Variants in TOMM70 observed in about 807,000 individuals in gnomAD.
The protein encoded by TOMM70 is translocase of outer mitochondrial membrane 70.
In TOMM70, 13 loss-of-function variants were observed where a neutral mutation model predicts 73.6. The observed-to-expected ratio is 0.18, with a 90% confidence interval of 0.11 to 0.28. TOMM70 has a LOEUF of 0.28. TOMM70 is among the 10% of genes least tolerant of loss of function. The pLI is 1.00. For synonymous variants in TOMM70, 257 were observed against 271.2 expected, an observed-to-expected ratio of 0.95 and a Z score of 0.51; for missense variants, 609 against 747.5, an observed-to-expected ratio of 0.81 and a Z score of 2.16.
intron 8 of TOMM70, 79 bp downstream of exon 8, chr3:100,373,459 G>C: frequency 8.6e-7 from 1 of 1,159,678 alleles, no homozygotes; most frequent in Non-Finnish European, 1.2e-6. Flanking sequence ...CGACTTTGTA[G>C]ACAATGAGAT....
chr3:100,366,188 CTCTT>C (rs1298867094), intron 11 of TOMM70, among the ~76,000 whole-genome samples: 3 of 152,154 alleles, frequency 2.0e-5, no homozygotes, highest in African/African-American at 2.4e-5. Flanking sequence ...GTGGGCCCAC[CTCTT>C]TCTGTTTCAT....
intron 1 of TOMM70, among the ~76,000 whole-genome samples, chr3:100,392,005 CTA>C (rs965795737): frequency 6.6e-6 from 1 of 152,116 alleles, no homozygotes; most frequent in African/African-American, 2.4e-5. Context: ...TGGATCTTTT[CTA>C]TGTTTAGGTA....
rs757218917 is a variant in TOMM70, at chr3:100,377,688, C to T, written c.1092+17G>A. 2 of 1,593,782 alleles carry T rather than the reference C, an allele frequency of 1.3e-6. No individual in the cohort carries two copies. The highest frequency in any genetic ancestry group is 2.3e-5 in the East Asian group (1 of 44,372). On this transcript the variant is annotated intron_variant, in intron 6 of 11. Transcript: ENST00000284320. ...CCTTCTATTTAATAATTTCTTCACA[C>T]ACATTTTTTAATGTACCTTCACATT...
intron 3 of TOMM70, among the ~76,000 whole-genome samples, chr3:100,385,339 T>G (rs934247906): frequency 3.9e-5 from 6 of 152,240 alleles, no homozygotes; most frequent in Non-Finnish European, 8.8e-5. Flanking sequence ...CAGGATTCCC[T>G]TTTCTAAAAC....
chr3:100,373,684 T>TACA (rs3832198), intron 7 of TOMM70, 39 bp from the exon 8 acceptor site: 1 of 1,469,368 alleles, frequency 6.8e-7, no homozygotes, highest in Middle Eastern at 1.7e-4. Context: ...ATTCAACTAG[T>TACA]CCAGTTAAGT....
chr3:100,396,842 T>C lies in TOMM70; in HGVS notation c.324+3784A>G, dbSNP rs118009947. 1.6e-4 allele frequency among the ~76,000 whole-genome samples: 24 copies of C among 152,298 alleles called. No individual in the cohort carries two copies. The East Asian group carries it at 4.2e-3, about 27-fold the overall frequency. The stretch of plus-strand genomic sequence containing the variant: ...ATATTCCCATTAATTAAAACAACTA[T>C]GAATATCCTTTGCACTTCCTTTACA... On this transcript the variant is annotated intron_variant, in intron 1 of 11. Transcript: ENST00000284320.
At chr3:100,385,501 T>C (rs993423422) in intron 3 of TOMM70, among the ~76,000 whole-genome samples, 6 of 152,208 alleles carry the variant, frequency 3.9e-5, no homozygotes, top group Admixed American at 3.9e-4. Context: ...AGCAGACAAA[T>C]ATATTAAGTG....
chr3:100,387,758 C>A (rs1418871536), intron 1 of TOMM70, among the ~76,000 whole-genome samples: 1 of 151,908 alleles, frequency 6.6e-6, no homozygotes, highest in Non-Finnish European at 1.5e-5. Context: ...GCCTCAGCCT[C>A]CCGAGTAGCT....
At chr3:100,378,635 G>A (rs1706592889) in intron 5 of TOMM70, among the ~76,000 whole-genome samples, 1 of 152,174 alleles carries the variant, frequency 6.6e-6, no homozygotes, top group Admixed American at 6.5e-5. Context: ...CTAAAAGAAG[G>A]AACAGGGAAA....
chr3:100,378,500 A>C (rs751793868), intron 5 of TOMM70, among the ~76,000 whole-genome samples: 45 of 152,192 alleles, frequency 3.0e-4, no homozygotes, highest in Admixed American at 7.9e-4. Flanking sequence ...ACCTCAGCTT[A>C]GACATTTAGA....
Position 100,369,970 on chromosome 3 carries a change from G to C in TOMM70, c.1453-835C>G, listed in dbSNP as rs1706490502. Among the ~76,000 whole-genome samples, 3 of 152,114 alleles carry C rather than the reference G, an allele frequency of 2.0e-5. No individual in the cohort carries two copies. In the South Asian group the frequency reaches 6.2e-4, roughly 32 times the overall value. On this transcript the variant is annotated intron_variant, in intron 9 of 11. Transcript: ENST00000284320. ...TCCCTAATATTATCTATAATACCTA[G>C]CCCATATTCAGTTAACCCCGGTTAT...
intron 7 of TOMM70, 84 bp downstream of exon 7, chr3:100,374,934 C>A: frequency 5.0e-6 from 7 of 1,406,152 alleles, no homozygotes; most frequent in Non-Finnish European, 5.6e-6. Flanking sequence ...TAAGAAAACT[C>A]AAGAAAATTA....
chr3:100,381,702 T>A lies in TOMM70; in HGVS notation c.797A>T (p.Asp266Val). The change falls in exon 5 of 12, where the codon GAT becomes GTT. Residue 266 changes from aspartate to valine, a missense_variant. Physicochemically the swap from Asp to Val is radical, Grantham distance 152. Around this residue, in one of 2 missense-constraint regions of TOMM70, gnomAD observed 432 missense variants for 584.1 expected, o/e 0.74. Coordinates refer to ENST00000284320, the MANE Select transcript of TOMM70 (RefSeq NM_014820.5). ...FIKSYFSSFT[D>V]DIISQPMLKG... is the part of the protein sequence containing the mutation. ...AAGCATGGGCTGGGAAATGATATCATCCGTGAAAGAACTGAAGTAAGATTT... is the reference window on the plus strand; with the variant it reads ...AAGCATGGGCTGGGAAATGATATCAACCGTGAAAGAACTGAAGTAAGATTT... 3 of 1,612,846 alleles carry A rather than the reference T, an allele frequency of 1.9e-6. No homozygotes were observed. Among genetic ancestry groups the A allele is most frequent in the Non-Finnish European group, 2.5e-6 (3 of 1,179,302 alleles).
intron 11 of TOMM70, among the ~76,000 whole-genome samples, chr3:100,365,962 T>TA (rs2148887945): frequency 6.6e-6 from 1 of 152,380 alleles, no homozygotes; most frequent in African/African-American, 2.4e-5. Flanking sequence ...CAACTACTAT[T>TA]ACAAATACTA....
chr3:100,365,531 T>C lies in TOMM70; in HGVS notation c.*33A>G. On this transcript the variant is annotated 3_prime_UTR_variant, in exon 12 of 12. Coordinates refer to ENST00000284320, the MANE Select transcript of TOMM70 (RefSeq NM_014820.5). ...GTTCAGTTGAAGAGGGGGTAAACTT[T>C]TAAAAAGAGGGTCAGTCTGCTTTCC... 1 of 1,613,704 alleles carries C rather than the reference T, an allele frequency of 6.2e-7. No individual in the cohort carries two copies.
chr3:100,389,619 TA>T (rs1390607432), intron 1 of TOMM70, among the ~76,000 whole-genome samples: 5 of 151,968 alleles, frequency 3.3e-5, no homozygotes, highest in Non-Finnish European at 7.4e-5. Context: ...AAATAAAAAT[TA>T]AGGTAATATA....
At chr3:100,377,465 T>C (rs1230194659) in intron 6 of TOMM70, 3 of 453,926 alleles carry the variant, frequency 6.6e-6, no homozygotes, top group African/African-American at 3.9e-5. Flanking sequence ...AGGGAGACGA[T>C]GAAACTACCG....
Position 100,372,612 on chromosome 3 carries a change from G to A in TOMM70, c.1446C>T (p.Tyr482=), listed in dbSNP as rs201655665. The change falls in exon 9 of 12, where the codon TAC becomes TAT. Residue 482 remains tyrosine (Y), a synonymous_variant. Transcript: ENST00000284320. The stretch of plus-strand genomic sequence containing the variant: ...AACCTGAAAAAACATTTACCTGGGC[G>A]TATAGTGCATAGCCTTCGGCACACC... ...FPRCAEGYAL[Y]AQALTDQQQF... The A allele has an allele frequency of 3.4e-5, 54 of 1,609,170 alleles. No individual in the cohort carries two copies. The highest frequency in any genetic ancestry group is 4.0e-5 in the Non-Finnish European group (47 of 1,177,500).
chr3:100,387,593 GACACAGAC>G (rs766768559), intron 1 of TOMM70, among the ~76,000 whole-genome samples: 13 of 98,706 alleles, frequency 1.3e-4, no homozygotes, highest in South Asian at 1.3e-3. Context: ...CACAGACACA[GACACAGAC>G]ACACACACAC....
Sources: gnomAD v4.1 joint callset for allele counts (sites outside exome capture counted in the v4.1 genomes callset) on GRCh38, gnomAD v4.1.1 for gene constraint, gnomAD v4.1.1 regional missense constraint, MANE v1.5 for transcripts, NCBI Gene and HGNC (gene_info 2026-07-23, HGNC 2026-07-21) for gene names.